The following SLCO1A2 variants were observed in gnomAD, a reference collection of about 807,000 sequenced individuals.
SLCO1A2 encodes the protein OATP-1.
SLCO1A2 carries 67 observed loss-of-function variants against 69.0 expected under a neutral mutation model. The observed-to-expected ratio is 0.97, with a 90% CI of 0.80 to 1.19. SLCO1A2 has a LOEUF of 1.19. Ranked by LOEUF, SLCO1A2 falls within the 50% of genes most tolerant of loss-of-function variation. The pLI is 0.00. For missense variants in SLCO1A2, 787 were observed against 793.7 expected, an observed-to-expected ratio of 0.99 and a Z score of 0.10; for synonymous variants, 260 against 265.9, an observed-to-expected ratio of 0.98 and a Z score of 0.22.
At chr12:21,377,205 C>G (rs1365209982) in intron 1 of SLCO1A2, among the ~76,000 whole-genome samples, 5 of 151,900 alleles carry the variant, frequency 3.3e-5, no homozygotes, top group Non-Finnish European at 7.4e-5. Context: ...AACATTTAAC[C>G]TAGTCTTATC....
intron 2 of SLCO1A2, among the ~76,000 whole-genome samples, chr12:21,364,367 T>G (rs888836710): frequency 6.6e-6 from 1 of 152,196 alleles, no homozygotes; most frequent in Non-Finnish European, 1.5e-5. Context: ...CTGAAAACTC[T>G]CAATAAACTA....
intron 2 of SLCO1A2, chr12:21,324,868 C>T (rs923888744): frequency 6.6e-6 from 1 of 152,176 alleles, no homozygotes; most frequent in South Asian, 2.1e-4. Flanking sequence ...AAAAAGAATG[C>T]TCTCTGCTCA....
chr12:21,279,967 G>GT (rs57057495), intron 12 of SLCO1A2, among the ~76,000 whole-genome samples: 13,271 of 149,632 alleles, frequency 0.089, 935 homozygotes, highest in East Asian at 0.35. Flanking sequence ...AAAATGTAGA[G>GT]TTTTTTTTTT....
upstream of SLCO1A2, chr12:21,419,278 G>A (rs1029668980): frequency 1.3e-5 from 2 of 158,150 alleles, no homozygotes; most frequent in African/African-American, 2.4e-5. Flanking sequence ...CGCAGAAGAC[G>A]GGTGATTTCT....
At position 21,391,481 on chromosome 12, in the gene SLCO1A2, T is replaced by A. The variant is rs913526078; in HGVS notation, c.-190+3425A>T. Reference sequence around the variant, plus strand: ...GGAAGGAAAAATTATAATCCTGGTGTCTTTCTGAGCATAATGTATTATTGA... The same window carrying A: ...GGAAGGAAAAATTATAATCCTGGTGACTTTCTGAGCATAATGTATTATTGA... On this transcript the variant is annotated intron_variant, in intron 1 of 15. Coordinates refer to the SLCO1A2 transcript ENST00000307378. Among the ~76,000 whole-genome samples the A allele has an allele frequency of 2.4e-4, 36 of 152,170 alleles. 1 individual carries two copies. The highest frequency in any genetic ancestry group is 1.8e-4 in the Non-Finnish European group (12 of 68,022).
rs771760597 is a variant in SLCO1A2, at chr12:21,274,457, T to G, written c.1793+12A>C. On this transcript the variant is annotated intron_variant, in intron 14 of 14. Transcript: ENST00000683939. The stretch of plus-strand genomic sequence containing the variant: ...GCTTATAAAACAATTTTAAACAAAT[T>G]ATTATCTTTACCTGAAGGTGGTGGA... 5.2e-6 allele frequency: 8 copies of G among 1,551,202 alleles called. No individual in the cohort carries two copies. Among genetic ancestry groups the G allele is most frequent in the Non-Finnish European group, 7.1e-6 (8 of 1,122,992 alleles).
chr12:21,396,216 G>A (rs1591915436), upstream of SLCO1A2, among the ~76,000 whole-genome samples: 2 of 150,588 alleles, frequency 1.3e-5, no homozygotes, highest in African/African-American at 2.4e-5. Flanking sequence ...CGAGAACTAC[G>A]TGAAGAATGC....
At chr12:21,286,742 A>G (rs1178835738) in intron 12 of SLCO1A2, among the ~76,000 whole-genome samples, 1 of 86,258 alleles carries the variant, frequency 1.2e-5, no homozygotes, top group African/African-American at 5.2e-5. Context: ...CAAACCTGAG[A>G]AAAACAAGCA....
intron 4 of SLCO1A2, 30 bp downstream of exon 4, chr12:21,314,519 C>G: frequency 6.2e-7 from 1 of 1,610,432 alleles, no homozygotes; most frequent in South Asian, 1.1e-5. Flanking sequence ...GAAATTTGAC[C>G]ACCCAAAATT....
intron 1 of SLCO1A2, chr12:21,379,700 T>C (rs969200515): frequency 2.0e-4 from 31 of 152,340 alleles, no homozygotes; most frequent in African/African-American, 7.2e-4. Flanking sequence ...ACTGCCATCA[T>C]GCTGCGTTAT....
chr12:21,353,188 T>G lies in SLCO1A2; in HGVS notation c.-62-18479A>C, dbSNP rs538017886. On this transcript the variant is annotated intron_variant, in intron 2 of 15. Coordinates refer to the SLCO1A2 transcript ENST00000307378. ...TTTATAACTAAGAGAAATAAATATT[T>G]GGAGCCTGTTAATTTTATCATATCT... is the stretch of plus-strand genomic sequence containing the variant. Among the ~76,000 whole-genome samples, 11 of 152,302 alleles carry G rather than the reference T, an allele frequency of 7.2e-5. No individual in the cohort carries two copies. The South Asian group carries it at 2.3e-3, about 32-fold the overall frequency.
At chr12:21,353,819 T>C (rs569246639) in intron 2 of SLCO1A2, among the ~76,000 whole-genome samples, 1 of 152,228 alleles carries the variant, frequency 6.6e-6, no homozygotes, top group Admixed American at 6.5e-5. Flanking sequence ...CATTCACAGC[T>C]ATTTGCCAGT....
intron 2 of SLCO1A2, among the ~76,000 whole-genome samples, chr12:21,350,835 CAAAAA>C (rs11454466): frequency 7.4e-5 from 3 of 40,732 alleles, no homozygotes; most frequent in African/African-American, 2.0e-4. Flanking sequence ...GACTCTGTCT[CAAAAA>C]AAAAAAAAAA....
upstream of SLCO1A2, among the ~76,000 whole-genome samples, chr12:21,335,311 C>A (rs1319269066): frequency 6.6e-6 from 1 of 151,692 alleles, no homozygotes; most frequent in African/African-American, 2.4e-5. Flanking sequence ...GGAAAATAAT[C>A]CCACGATTGC....
At chr12:21,349,344 A>T (rs12825593) in intron 2 of SLCO1A2, among the ~76,000 whole-genome samples, 112 of 152,212 alleles carry the variant, frequency 7.4e-4, no homozygotes, top group Non-Finnish European at 1.3e-3. Context: ...TGAGAGGCCC[A>T]GATGAAACTT....
chr12:21,348,213 C>T (rs982521030), intron 2 of SLCO1A2, among the ~76,000 whole-genome samples: 1 of 152,144 alleles, frequency 6.6e-6, no homozygotes, highest in East Asian at 1.9e-4. Context: ...GGGTATCCAT[C>T]CCCTCAAGCA....
intron 4 of SLCO1A2, among the ~76,000 whole-genome samples, chr12:21,310,391 T>C (rs539050561): frequency 1.3e-5 from 2 of 152,274 alleles, no homozygotes; most frequent in Non-Finnish European, 2.9e-5. Context: ...TAAAAGATGC[T>C]AACAATCATC....
intron 2 of SLCO1A2, among the ~76,000 whole-genome samples, chr12:21,339,960 T>C (rs993488638): frequency 7.2e-5 from 11 of 151,932 alleles, no homozygotes; most frequent in Non-Finnish European, 1.0e-4. Context: ...AGATGAAAGA[T>C]GTATGGTATA....
upstream of SLCO1A2, among the ~76,000 whole-genome samples, chr12:21,418,899 T>C (rs879372037): frequency 1.3e-5 from 2 of 152,132 alleles, no homozygotes; most frequent in Non-Finnish European, 2.9e-5. Flanking sequence ...GAACTAAGAA[T>C]AGTTTTTATA....
Sources: allele counts gnomAD v4.1 joint callset (sites outside exome capture counted in the v4.1 genomes callset), GRCh38; gene constraint gnomAD v4.1.1; transcripts MANE v1.5; gene names NCBI Gene and HGNC (gene_info 2026-07-23, HGNC 2026-07-21).